CBL: variants seen among roughly 807,000 people sequenced by gnomAD.
CBL encodes the protein Cbl proto-oncogene.
In CBL, 45 loss-of-function variants were observed where a neutral mutation model predicts 96.9. That is an observed-to-expected ratio of 0.46 (90% CI 0.37 to 0.60). The LOEUF (loss-of-function observed/expected upper bound fraction) is 0.60, where lower values mean the gene tolerates loss of function less well. Ranked by LOEUF, CBL falls within the 20% of genes least tolerant of loss-of-function variation. CBL has a pLI of 0.00. For synonymous variants in CBL, 420 were observed against 426.8 expected, an observed-to-expected ratio of 0.98 and a Z score of 0.20; for missense variants, 1,024 against 1,143.5, an observed-to-expected ratio of 0.90 and a Z score of 1.51.
At chr11:119,297,525 A>G in intron 14 of CBL, 44 bp downstream of exon 14, 2 of 1,358,308 alleles carry the variant, frequency 1.5e-6, no homozygotes, top group South Asian at 1.2e-5. Flanking sequence ...GATATGTCAT[A>G]GGAATGAACA....
chr11:119,254,640 C>T (rs1427905831), intron 2 of CBL, among the ~76,000 whole-genome samples: 3 of 151,144 alleles, frequency 2.0e-5, no homozygotes, highest in African/African-American at 7.3e-5. Flanking sequence ...CTCGTCCTGT[C>T]GCCCAGGCTG....
At chr11:119,228,018 C>T (rs996577378) in intron 1 of CBL, among the ~76,000 whole-genome samples, 1 of 151,550 alleles carries the variant, frequency 6.6e-6, no homozygotes, top group Non-Finnish European at 1.5e-5. Context: ...TTACAGCCTC[C>T]ATATGTACAA....
At chr11:119,223,649 C>T (rs966901832) in intron 1 of CBL, among the ~76,000 whole-genome samples, 25 of 151,298 alleles carry the variant, frequency 1.7e-4, no homozygotes, top group Non-Finnish European at 1.8e-4. Flanking sequence ...TTTGAGACAG[C>T]GTCTCTCTCT....
intron 2 of CBL, among the ~76,000 whole-genome samples, chr11:119,246,696 C>T (rs6589727): frequency 0.28 from 42,051 of 152,122 alleles, 6,270 homozygotes; most frequent in South Asian, 0.59. Flanking sequence ...AAGTGATCCA[C>T]CCACTTCGGC....
At chr11:119,234,255 C>T (rs1359443954) in intron 2 of CBL, among the ~76,000 whole-genome samples, 1 of 152,184 alleles carries the variant, frequency 6.6e-6, no homozygotes, top group African/African-American at 2.4e-5. Flanking sequence ...ATCCGCCTGC[C>T]TCAGCCTCCC....
intron 2 of CBL, among the ~76,000 whole-genome samples, chr11:119,252,809 A>G (rs958857807): frequency 2.0e-5 from 3 of 151,386 alleles, no homozygotes; most frequent in Admixed American, 6.6e-5. Flanking sequence ...TCAACACAAG[A>G]GGCGGAGGTT....
At position 119,304,124 on chromosome 11, in the gene CBL, G is replaced by A. The variant is rs1950119191; in HGVS notation, c.*4343G>A. The A allele has an allele frequency of 4.3e-6, 1 of 233,550 alleles. No homozygotes were observed. The highest frequency in any genetic ancestry group is 8.5e-6 in the Non-Finnish European group (1 of 118,028). 14.5% of individuals were successfully genotyped at this position (233,550 alleles called of 1,614,324 possible). A position where few individuals can be genotyped will look rare whatever the true frequency, so the allele number is the denominator to read the frequency against. ...TGTCAGCCTTTACCTCCCTCCCAGA[G>A]CAAGGAGTTTAGGGATTCTAAAGCT... is the stretch of plus-strand genomic sequence containing the variant. On this transcript the variant is annotated 3_prime_UTR_variant, in exon 16 of 16. Coordinates refer to ENST00000264033, the MANE Select transcript of CBL (RefSeq NM_005188.4).
intron 2 of CBL, among the ~76,000 whole-genome samples, chr11:119,253,450 C>T (rs1192692165): frequency 1.2e-5 from 1 of 85,036 alleles, no homozygotes; most frequent in African/African-American, 4.8e-5. Context: ...GACCTCATCT[C>T]AAAAAAAAAA....
intron 12 of CBL, chr11:119,289,462 G>A (rs1436625107): frequency 6.6e-6 from 1 of 151,562 alleles, no homozygotes; most frequent in Non-Finnish European, 1.5e-5. Flanking sequence ...CCTGCCTTAA[G>A]TCTGCTTTGC....
intron 1 of CBL, among the ~76,000 whole-genome samples, chr11:119,214,030 C>T (rs1433638967): frequency 6.6e-6 from 1 of 152,162 alleles, no homozygotes; most frequent in East Asian, 1.9e-4. Flanking sequence ...CTGCAACCTC[C>T]ACCTCCTGGA....
chr11:119,278,717 A>G lies in CBL; in HGVS notation c.1431+4A>G, dbSNP rs1261578796. ...GAAGGAATTGGCTGGTGCCAAGGTA[A>G]GATGGCAGTTTAGGAGACTGGCAAA... On this transcript the variant is annotated splice_donor_region_variant and intron_variant, in intron 9 of 15. Coordinates refer to ENST00000264033, the MANE Select transcript of CBL (RefSeq NM_005188.4). 1 of 1,613,236 alleles carries G rather than the reference A, an allele frequency of 6.2e-7. No homozygotes were observed. The highest frequency in any genetic ancestry group is 2.2e-5 in the East Asian group (1 of 44,880).
rs957080870 is a variant in CBL, at chr11:119,301,193, A to G, written c.*1412A>G. 3.0e-5 allele frequency: 7 copies of G among 232,994 alleles called. No individual in the cohort carries two copies. Among genetic ancestry groups the G allele is most frequent in the African/African-American group, 6.6e-5 (3 of 45,306 alleles). 14.4% of individuals were successfully genotyped at this position (232,994 alleles called of 1,614,324 possible). On this transcript the variant is annotated 3_prime_UTR_variant, in exon 16 of 16. Transcript: ENST00000264033. The stretch of plus-strand genomic sequence containing the variant: ...CCTGAGGTCCTAAATACTCTCTGTA[A>G]TTACTGTGTTCTTCACGGTAATTAG...
At chr11:119,270,692 C>T (rs972528310) in intron 2 of CBL, among the ~76,000 whole-genome samples, 2 of 151,234 alleles carry the variant, frequency 1.3e-5, no homozygotes, top group East Asian at 1.9e-4. Context: ...GTGATCCGCC[C>T]GCCTCGGCCT....
At chr11:119,213,454 C>T (rs1592368167) in intron 1 of CBL, among the ~76,000 whole-genome samples, 1 of 152,226 alleles carries the variant, frequency 6.6e-6, no homozygotes, top group African/African-American at 2.4e-5. Context: ...AAACATCTTT[C>T]TTCTGTGTGT....
intron 1 of CBL, among the ~76,000 whole-genome samples, chr11:119,221,617 A>G (rs1949411476): frequency 6.6e-6 from 1 of 151,890 alleles, no homozygotes; most frequent in African/African-American, 2.4e-5. Context: ...AATACAAAAA[A>G]ATTAGCCAGG....
chr11:119,278,459 AT>A lies in CBL; in HGVS notation c.1228-47del, dbSNP rs200188826. ...GAAATGTATTTTCTAGTAGATTAATATTTTAAGTATTTTCAGATGCATCTGT... is the reference window on the plus strand; with the variant it reads ...GAAATGTATTTTCTAGTAGATTAATATTTAAGTATTTTCAGATGCATCTGT... On this transcript the variant is annotated intron_variant, in intron 8 of 15. Coordinates refer to ENST00000264033, the MANE Select transcript of CBL (RefSeq NM_005188.4). 323 of 1,558,590 alleles carry A rather than the reference AT, an allele frequency of 2.1e-4. No individual in the cohort carries two copies. In the East Asian group the frequency reaches 7.1e-3, roughly 34 times the overall value.
At chr11:119,279,618 C>G (rs1592401883) in intron 9 of CBL, among the ~76,000 whole-genome samples, 1 of 152,184 alleles carries the variant, frequency 6.6e-6, no homozygotes, top group South Asian at 2.1e-4. Flanking sequence ...TACCACTGCA[C>G]TCTAGGTTGG....
chr11:119,295,651 C>T (rs1015179052), intron 12 of CBL, among the ~76,000 whole-genome samples: 2 of 152,072 alleles, frequency 1.3e-5, no homozygotes, highest in African/African-American at 2.4e-5. Flanking sequence ...CACTTGAGCC[C>T]GGGAGATCAA....
chr11:119,271,693 A>G (rs1949849969), intron 2 of CBL, 42 bp from the exon 3 acceptor site: 1 of 1,565,814 alleles, frequency 6.4e-7, no homozygotes, highest in Non-Finnish European at 8.8e-7. Flanking sequence ...TAAAATAAAA[A>G]TAATTTTATG....
Sources: gnomAD v4.1 joint callset for allele counts (sites outside exome capture counted in the v4.1 genomes callset) on GRCh38, gnomAD v4.1.1 for gene constraint, MANE v1.5 for transcripts, NCBI Gene and HGNC (gene_info 2026-07-23, HGNC 2026-07-21) for gene names.